The following PEPD variants were observed in gnomAD, a reference collection of about 807,000 sequenced individuals.
PEPD encodes the protein xaa-Pro dipeptidase.
In PEPD, 53 loss-of-function variants were observed where a neutral mutation model predicts 60.7. The ratio of observed to expected loss-of-function variants is 0.87; its 90% CI spans 0.70 to 1.10. PEPD has a LOEUF of 1.10. Among genes scored for constraint, PEPD ranks in the 50% least tolerant of loss-of-function variants. The probability of loss-of-function intolerance (pLI) is 0.00; values close to 1 mark genes in which losing one functional copy is unlikely to be tolerated. For missense variants in PEPD, 711 were observed against 711.9 expected, an observed-to-expected ratio of 1.00 and a Z score of 0.01; for synonymous variants, 267 against 284.1, an observed-to-expected ratio of 0.94 and a Z score of 0.60.
At chr19:33,427,343 C>G (rs764303498) in intron 9 of PEPD, among the ~76,000 whole-genome samples, 2 of 152,236 alleles carry the variant, frequency 1.3e-5, no homozygotes, top group Non-Finnish European at 2.9e-5. Context: ...CCTCAGCACC[C>G]TCTCGTGCCA....
chr19:33,503,552 A>C (rs1465442902), intron 3 of PEPD, among the ~76,000 whole-genome samples: 3 of 152,206 alleles, frequency 2.0e-5, no homozygotes, highest in African/African-American at 4.8e-5. Flanking sequence ...AGCTGGCTCA[A>C]GGGAAGCCTA....
chr19:33,465,453 C>T (rs1340557566), intron 7 of PEPD, among the ~76,000 whole-genome samples: 3 of 152,138 alleles, frequency 2.0e-5, no homozygotes, highest in Non-Finnish European at 4.4e-5. Flanking sequence ...AGGCCACACC[C>T]CTCTACTGGT....
intron 6 of PEPD, among the ~76,000 whole-genome samples, chr19:33,482,999 G>A (rs961735651): frequency 7.2e-5 from 11 of 152,128 alleles, no homozygotes; most frequent in Non-Finnish European, 1.6e-4. Flanking sequence ...TTATCATAAT[G>A]GTCACGTGCT....
At chr19:33,515,635 A>C (rs1452996206) in intron 1 of PEPD, among the ~76,000 whole-genome samples, 2 of 151,812 alleles carry the variant, frequency 1.3e-5, no homozygotes, top group African/African-American at 4.8e-5. Context: ...GTCTCTGCAG[A>C]ATCCCCAACA....
chr19:33,435,136 T>C (rs1014433972), intron 9 of PEPD, among the ~76,000 whole-genome samples: 8 of 152,188 alleles, frequency 5.3e-5, no homozygotes, highest in African/African-American at 1.2e-4. Flanking sequence ...CCATCCGGCA[T>C]CTCCAGGCAG....
At chr19:33,439,215 C>A (rs1258868231) in intron 9 of PEPD, among the ~76,000 whole-genome samples, 1 of 152,236 alleles carries the variant, frequency 6.6e-6, no homozygotes, top group Non-Finnish European at 1.5e-5. Context: ...AACCTGGGCA[C>A]ATCTCACATG....
At chr19:33,459,349 G>C (rs537537551) in intron 9 of PEPD, among the ~76,000 whole-genome samples, 43 of 152,270 alleles carry the variant, frequency 2.8e-4, no homozygotes, top group Non-Finnish European at 4.9e-4. Context: ...TAATCTCCTT[G>C]TGGCAAATGT....
At chr19:33,495,049 T>C (rs1970574587) in intron 4 of PEPD, among the ~76,000 whole-genome samples, 2 of 151,276 alleles carry the variant, frequency 1.3e-5, no homozygotes, top group South Asian at 4.2e-4. Flanking sequence ...GGCAGGAGAA[T>C]GGCATGAACC....
intron 9 of PEPD, among the ~76,000 whole-genome samples, chr19:33,415,460 C>A (rs1402607879): frequency 6.6e-6 from 1 of 152,120 alleles, no homozygotes; most frequent in Non-Finnish European, 1.5e-5. Flanking sequence ...CTGCTTGAGG[C>A]CGGGAGTTCA....
At chr19:33,396,172 C>T (rs1968354617) in intron 12 of PEPD, 1 of 152,386 alleles carries the variant, frequency 6.6e-6, no homozygotes, top group Admixed American at 6.5e-5. Context: ...CAGAGGGTAT[C>T]TATGACTGGG....
intron 7 of PEPD, among the ~76,000 whole-genome samples, chr19:33,475,184 G>A (rs1970192766): frequency 6.6e-6 from 1 of 151,948 alleles, no homozygotes; most frequent in Admixed American, 6.6e-5. Flanking sequence ...AGGAGATAGG[G>A]CTAGAATTCA....
In PEPD at chr19:33,387,407, T is replaced by A; in HGVS notation, c.1419A>T (p.Glu473Asp). ...ELLTCVPRTVEEIEACMAGCD... is the reference protein window; with the variant it reads ...ELLTCVPRTVDEIEACMAGCD... ...AGCCTGCCATGCATGCTTCAATCTC[T>A]TCCACAGTGCGGGGCACGCAGGTCA... The change falls in exon 15 of 15, where the codon GAA (glutamate) becomes GAT (aspartate). Residue 473 changes from glutamate to aspartate, a missense_variant. Glu to Asp is a conservative substitution (Grantham distance 45, BLOSUM62 2). Coordinates refer to ENST00000244137, the MANE Select transcript of PEPD (RefSeq NM_000285.4). The A allele has an allele frequency of 6.2e-7, 1 of 1,614,002 alleles. No homozygotes were observed. The highest frequency in any genetic ancestry group is 8.5e-7 in the Non-Finnish European group (1 of 1,179,952).
chr19:33,455,694 T>G (rs2145258012), intron 9 of PEPD, among the ~76,000 whole-genome samples: 1 of 146,938 alleles, frequency 6.8e-6, no homozygotes, highest in East Asian at 2.1e-4. Flanking sequence ...TTTTTTTTTT[T>G]GTAGAGGCAG....
chr19:33,521,714 G>T, intron 1 of PEPD, 30 bp downstream of exon 1: 1 of 1,576,438 alleles, frequency 6.3e-7, no homozygotes, highest in South Asian at 1.2e-5. Flanking sequence ...CCACGCCAGC[G>T]GGAAAGAGCG....
intron 9 of PEPD, among the ~76,000 whole-genome samples, chr19:33,421,140 G>C (rs1202758666): frequency 6.6e-6 from 1 of 152,182 alleles, no homozygotes; most frequent in Non-Finnish European, 1.5e-5. Flanking sequence ...CAGCTATTAT[G>C]GGTAGTACAG....
rs1189205304 is a variant in PEPD at position 33,505,547 on chromosome 19, C to T, written c.330-4546G>A. On this transcript the variant is annotated intron_variant, in intron 3 of 14. Transcript: ENST00000244137. ...TCAGAGGCCTGCACGGCAAAGAGGG[C>T]CCCCGACACCCTGCCAATCACAAGG... 2.0e-5 allele frequency among the ~76,000 whole-genome samples: 3 copies of T among 151,984 alleles called. No homozygotes were observed. The East Asian group carries it at 5.8e-4, about 29-fold the overall frequency.
At chr19:33,473,276 G>A (rs1286060468) in intron 7 of PEPD, among the ~76,000 whole-genome samples, 1 of 152,060 alleles carries the variant, frequency 6.6e-6, no homozygotes, top group Non-Finnish European at 1.5e-5. Context: ...GATGAGCAAT[G>A]CTACTGGAAT....
Position 33,462,064 on chromosome 19 carries a change from C to G in PEPD, c.671+931G>C, listed in dbSNP as rs541609106. On this transcript the variant is annotated intron_variant, in intron 9 of 14. Transcript: ENST00000244137. ...CCAAGCAGCCCACTACGGGCCCCAT[C>G]CGACCTCGGCCCTGCACCCCACTGA... Among the ~76,000 whole-genome samples, 19 of 152,364 alleles carry G rather than the reference C, an allele frequency of 1.2e-4. No individual in the cohort carries two copies. The South Asian group carries it at 2.1e-3, about 17-fold the overall frequency.
intron 7 of PEPD, among the ~76,000 whole-genome samples, chr19:33,465,325 T>C (rs1406015229): frequency 1.3e-5 from 2 of 152,116 alleles, no homozygotes; most frequent in African/African-American, 2.4e-5. Flanking sequence ...GCTAGAGAAA[T>C]CTCAGCAGGC....
Sources: gnomAD v4.1 joint callset for allele counts (sites outside exome capture counted in the v4.1 genomes callset) on GRCh38, gnomAD v4.1.1 for gene constraint, MANE v1.5 for transcripts, NCBI Gene and HGNC (gene_info 2026-07-23, HGNC 2026-07-21) for gene names.